Variants in OPCML observed in about 807,000 individuals in gnomAD.
The protein encoded by OPCML is opioid-binding protein/cell adhesion molecule.
In OPCML, 13 loss-of-function variants were observed where a neutral mutation model predicts 37.8. That is an observed-to-expected ratio of 0.34 (90% CI 0.22 to 0.55). The LOEUF (loss-of-function observed/expected upper bound fraction) is 0.55, where lower values mean the gene tolerates loss of function less well. Among genes scored for constraint, OPCML ranks in the 20% least tolerant of loss-of-function variants. OPCML has a pLI of 0.91. For missense variants in OPCML, 341 were observed against 435.6 expected (o/e 0.78, Z 1.93); for synonymous variants, 176 against 168.8 (o/e 1.04, Z -0.33).
At chr11:133,244,399 T>C (rs940871231) in intron 1 of OPCML, among the ~76,000 whole-genome samples, 4 of 152,038 alleles carry the variant, frequency 2.6e-5, no homozygotes, top group Admixed American at 2.0e-4. Context: ...TTAGTATTGT[T>C]AACTACTAAT....
chr11:132,943,421 T>C lies in OPCML; in HGVS notation c.62-411A>G. ...GGGATGAAGGTCACAGATTGCGCTT[T>C]CTCTGCCTCTCTCTTCGAGACGCTA... On this transcript the variant is annotated intron_variant, in intron 1 of 7. Coordinates refer to ENST00000524381, the MANE Select transcript of OPCML (RefSeq NM_001012393.5). The surrounding 1 kb of genome is among the most constrained non-coding windows in gnomAD (Gnocchi z 4.3). The C allele has an allele frequency of 2.6e-6, 1 of 378,518 alleles. No individual in the cohort carries two copies. Among genetic ancestry groups the C allele is most frequent in the South Asian group, 3.9e-5 (1 of 25,862 alleles). 23.4% of individuals were successfully genotyped at this position (378,518 alleles called of 1,614,324 possible). A position where few individuals can be genotyped will look rare whatever the true frequency, so the allele number is the denominator to read the frequency against.
intron 3 of OPCML, among the ~76,000 whole-genome samples, chr11:132,609,188 C>CT (rs1938487332): frequency 6.6e-6 from 1 of 151,998 alleles, no homozygotes; most frequent in Non-Finnish European, 1.5e-5. Flanking sequence ...GGCAGGGGGT[C>CT]TCAAAAAGAA....
chr11:133,446,743 T>C (rs1946482301), intron 1 of OPCML, among the ~76,000 whole-genome samples: 2 of 152,344 alleles, frequency 1.3e-5, no homozygotes, highest in African/African-American at 4.8e-5. Flanking sequence ...AGCTACTTTT[T>C]CTCTATAGAT....
chr11:132,673,850 C>T (rs1277898370), intron 2 of OPCML, among the ~76,000 whole-genome samples: 1 of 152,034 alleles, frequency 6.6e-6, no homozygotes, highest in East Asian at 1.9e-4. Context: ...AGCATGAATC[C>T]AAAGGGTAGT....
intron 1 of OPCML, among the ~76,000 whole-genome samples, chr11:133,267,552 A>G (rs1941698333): frequency 6.6e-6 from 1 of 152,236 alleles, no homozygotes; most frequent in Admixed American, 6.5e-5. Context: ...GGTATTAAAT[A>G]TAATGGAATT....
intron 1 of OPCML, among the ~76,000 whole-genome samples, chr11:133,268,644 C>A (rs1296746191): frequency 6.6e-6 from 1 of 152,036 alleles, no homozygotes. Flanking sequence ...AAGTGCAAAA[C>A]CATAGATTAA....
intron 1 of OPCML, among the ~76,000 whole-genome samples, chr11:133,128,132 T>G (rs1436344161): frequency 2.0e-5 from 3 of 152,102 alleles, no homozygotes; most frequent in Non-Finnish European, 4.4e-5. Flanking sequence ...CCTCACCCAT[T>G]GGTCTCCAGC....
intron 1 of OPCML, among the ~76,000 whole-genome samples, chr11:133,294,937 C>T (rs1942591874): frequency 6.6e-6 from 1 of 150,804 alleles, no homozygotes; most frequent in Non-Finnish European, 1.5e-5. Context: ...AATTCTCCTG[C>T]CTCAGCCTCT....
intron 3 of OPCML, among the ~76,000 whole-genome samples, chr11:132,555,525 A>T (rs2096393399): frequency 6.6e-6 from 1 of 152,168 alleles, no homozygotes; most frequent in African/African-American, 2.4e-5. Flanking sequence ...TATGGGAGCT[A>T]CAATTCAAGA....
At chr11:133,032,291 T>G (rs1245756363) in intron 1 of OPCML, among the ~76,000 whole-genome samples, 1 of 152,108 alleles carries the variant, frequency 6.6e-6, no homozygotes, top group Non-Finnish European at 1.5e-5. Flanking sequence ...CCCTCACTTG[T>G]CCCCTTACAT....
chr11:132,532,696 T>A (rs1050831801), intron 3 of OPCML, among the ~76,000 whole-genome samples: 44 of 152,150 alleles, frequency 2.9e-4, no homozygotes, highest in African/African-American at 1.0e-3. Context: ...TCCCAGAGCA[T>A]CTCCCCTCCC....
chr11:133,442,636 C>A (rs1946386369), intron 1 of OPCML, among the ~76,000 whole-genome samples: 1 of 151,828 alleles, frequency 6.6e-6, no homozygotes, highest in African/African-American at 2.4e-5. Context: ...TCCATTCTTA[C>A]TAAACTAATA....
chr11:132,483,957 A>G (rs909187070), intron 4 of OPCML, among the ~76,000 whole-genome samples: 1 of 152,186 alleles, frequency 6.6e-6, no homozygotes, highest in Non-Finnish European at 1.5e-5. Flanking sequence ...CTAAAACCAT[A>G]AAAACCCTAA....
chr11:133,196,766 A>C (rs1938551244), intron 1 of OPCML, among the ~76,000 whole-genome samples: 1 of 152,206 alleles, frequency 6.6e-6, no homozygotes, highest in African/African-American at 2.4e-5. Context: ...TGCATAGTCA[A>C]TTGCCCAGTT....
chr11:132,830,798 G>A (rs141675275), intron 2 of OPCML, among the ~76,000 whole-genome samples: 5 of 152,070 alleles, frequency 3.3e-5, no homozygotes, highest in African/African-American at 9.7e-5. Context: ...AAACATACAC[G>A]CGTGCTTTCT....
At chr11:132,767,179 A>T (rs1238345479) in intron 2 of OPCML, among the ~76,000 whole-genome samples, 1 of 152,232 alleles carries the variant, frequency 6.6e-6, no homozygotes, top group Non-Finnish European at 1.5e-5. Flanking sequence ...AATTATTTTA[A>T]GGTAAAAAGC....
intron 1 of OPCML, among the ~76,000 whole-genome samples, chr11:133,244,922 G>A (rs145283327): frequency 2.0e-3 from 309 of 152,318 alleles, no homozygotes; most frequent in African/African-American, 6.8e-3. Flanking sequence ...GTCTGAGGGG[G>A]GAGACATGGT....
chr11:132,521,699 AACCAC>A, intron 4 of OPCML, among the ~76,000 whole-genome samples: 1 of 152,124 alleles, frequency 6.6e-6, no homozygotes, highest in Non-Finnish European at 1.5e-5. Flanking sequence ...AGGTGCAGCA[AACCAC>A]CATGGCACAA....
intron 1 of OPCML, among the ~76,000 whole-genome samples, chr11:132,970,763 T>C (rs1223526406): frequency 6.6e-6 from 1 of 152,234 alleles, no homozygotes; most frequent in Non-Finnish European, 1.5e-5. Context: ...GGGCCAGTTC[T>C]GTCTTTTCTT....
Sources: allele counts gnomAD v4.1 joint callset (sites outside exome capture counted in the v4.1 genomes callset), GRCh38; gene constraint gnomAD v4.1.1; non-coding constraint Gnocchi (gnomAD v3.1); transcripts MANE v1.5; gene names NCBI Gene and HGNC (gene_info 2026-07-23, HGNC 2026-07-21).